CD109: variants seen among roughly 807,000 people sequenced by gnomAD.
The protein encoded by CD109 is CD109 antigen.
CD109 carries 149 observed loss-of-function variants against 165.8 expected under a neutral mutation model. That is an observed-to-expected ratio of 0.90 (90% CI 0.79 to 1.03). The LOEUF is 1.03. CD109 is among the 50% of genes least tolerant of loss of function. The pLI, the probability that CD109 is intolerant of heterozygous loss-of-function variation, is 0.00. For missense variants in CD109, 1,712 were observed against 1,677.8 expected, an observed-to-expected ratio of 1.02 and a Z score of -0.36; for synonymous variants, 585 against 592.1, an observed-to-expected ratio of 0.99 and a Z score of 0.18.
upstream of CD109, among the ~76,000 whole-genome samples, chr6:73,692,071 A>C (rs190962653): frequency 1.3e-5 from 2 of 152,088 alleles, no homozygotes; most frequent in East Asian, 1.9e-4. Context: ...ACTTTTAAAC[A>C]ACCAGATCTC....
rs77675652 is a variant in CD109, at chr6:73,704,230, A to C, written c.247+6658A>C. ...AACCTTTATGTTCCACCATGACCACAGGTGATTCTTAGTCACATTAGAATG... is the reference window on the plus strand; with the variant it reads ...AACCTTTATGTTCCACCATGACCACCGGTGATTCTTAGTCACATTAGAATG... On this transcript the variant is annotated intron_variant, in intron 2 of 32. Transcript: ENST00000287097. 6.6e-3 allele frequency among the ~76,000 whole-genome samples: 1,005 copies of C among 152,100 alleles called. 14 individuals are homozygous for C. Among genetic ancestry groups the C allele is most frequent in the African/African-American group, 0.023 (959 of 41,488 alleles).
chr6:73,687,397 C>T, the CD109 span, among the ~76,000 whole-genome samples: 30,383 of 149,522 alleles, frequency 0.2, 3,460 homozygotes, highest in Non-Finnish European at 0.26. Flanking sequence ...CCTCTCTCTC[C>T]TTCCTTCCTT....
chr6:73,771,665 GA>G lies in CD109; in HGVS notation c.1827+88del. On this transcript the variant is annotated intron_variant, in intron 15 of 32. Transcript: ENST00000287097. ...TATTGTACTACTTTAAATATTTAAA[GA>G]AAATTTCATTAGTTCCTTTGCATGT... 3 of 940,804 alleles carry G rather than the reference GA, an allele frequency of 3.2e-6. No individual in the cohort carries two copies. The East Asian group carries it at 9.1e-5, about 29-fold the overall frequency. The allele number at this position is 940,804 out of a possible 1,614,324, so 58.3% of individuals were successfully genotyped here.
chr6:73,813,342 G>T (rs1309375821), intron 29 of CD109, among the ~76,000 whole-genome samples: 1 of 152,106 alleles, frequency 6.6e-6, no homozygotes, highest in Non-Finnish European at 1.5e-5. Context: ...AAAATTATAT[G>T]TACTTAAATC....
At chr6:73,702,964 A>C (rs1771135460) in intron 2 of CD109, among the ~76,000 whole-genome samples, 1 of 152,236 alleles carries the variant, frequency 6.6e-6, no homozygotes, top group Non-Finnish European at 1.5e-5. Context: ...AGGGGATTGG[A>C]AGGGATTTAA....
intron 2 of CD109, among the ~76,000 whole-genome samples, chr6:73,718,948 G>A (rs1452894075): frequency 1.3e-5 from 2 of 151,976 alleles, no homozygotes; most frequent in Non-Finnish European, 2.9e-5. Flanking sequence ...ACAAGTATAA[G>A]TCAACTACAT....
chr6:73,752,062 A>G (rs527989033), intron 5 of CD109, among the ~76,000 whole-genome samples: 3 of 152,340 alleles, frequency 2.0e-5, no homozygotes, highest in African/African-American at 7.2e-5. Flanking sequence ...AGTAAAAGGT[A>G]CATCCAGACA....
chr6:73,690,423 C>T, the CD109 span, among the ~76,000 whole-genome samples: 19 of 152,188 alleles, frequency 1.2e-4, no homozygotes, highest in East Asian at 3.1e-3. Flanking sequence ...TTTTTTGAGA[C>T]GGAGTTTCGC....
intron 15 of CD109, among the ~76,000 whole-genome samples, chr6:73,775,037 A>G (rs1774188203): frequency 6.6e-6 from 1 of 151,874 alleles, no homozygotes; most frequent in Non-Finnish European, 1.5e-5. Context: ...TAATTTTTAG[A>G]CATTAGCCTT....
Position 73,707,515 on chromosome 6 carries a change from G to A in CD109, c.247+9943G>A, listed in dbSNP as rs1294442022. Among the ~76,000 whole-genome samples, 4 of 152,118 alleles carry A rather than the reference G, an allele frequency of 2.6e-5. No homozygotes were observed. The East Asian group carries it at 7.7e-4, about 29-fold the overall frequency. ...CTGCACTGTTTGGGAGGCACAGTGG[G>A]TTAGAATGGGTGCTCAGGAACCACA... On this transcript the variant is annotated intron_variant, in intron 2 of 32. Coordinates refer to ENST00000287097, the MANE Select transcript of CD109 (RefSeq NM_133493.5).
chr6:73,738,852 T>G (rs1772644139), intron 5 of CD109, among the ~76,000 whole-genome samples: 1 of 152,228 alleles, frequency 6.6e-6, no homozygotes, highest in African/African-American at 2.4e-5. Flanking sequence ...TGAGAATGTT[T>G]TTTCTTCCTT....
the CD109 span, among the ~76,000 whole-genome samples, chr6:73,688,756 TCTTTG>T: frequency 1.4e-5 from 2 of 138,294 alleles, no homozygotes; most frequent in Middle Eastern, 3.7e-3. Context: ...TGAGAGTTTT[TCTTTG>T]TTTTTTTTTT....
Position 73,788,558 on chromosome 6 carries a change from T to C in CD109, c.2647T>C (p.Ser883Pro), listed in dbSNP as rs767127883. ...GAGTACCCTGAAAACTTTGAGTTTCTCATTTCCTCCTAATACAGTGACTGG... is the reference window on the plus strand; with the variant it reads ...GAGTACCCTGAAAACTTTGAGTTTCCCATTTCCTCCTAATACAGTGACTGG... The part of the protein sequence containing the change: ...LQSTLKTLSF[S>P]FPPNTVTGSE... The change falls in exon 22 of 33, where the codon TCA becomes CCA. Residue 883 changes from serine (S) to proline (P), a missense_variant. Physicochemically the swap from Ser to Pro is moderately conservative, Grantham distance 74. Transcript: ENST00000287097. 5 of 1,613,702 alleles carry C rather than the reference T, an allele frequency of 3.1e-6. No homozygotes were observed. The South Asian group carries it at 4.4e-5, about 14-fold the overall frequency.
Position 73,765,910 on chromosome 6 carries a change from T to A in CD109, c.1108-20T>A, listed in dbSNP as rs201957760. 2 of 1,519,672 alleles carry A rather than the reference T, an allele frequency of 1.3e-6. No homozygotes were observed. The highest frequency in any genetic ancestry group is 4.5e-5 in the East Asian group (2 of 44,380). The allele number at this position is 1,519,672 out of a possible 1,614,324, so 94.1% of individuals were successfully genotyped here. ...ACTTAAATCCTTTGTGTTTTTAAGA[T>A]GTTTTGTTTTGACCATTAGGTGAAG... is the stretch of plus-strand genomic sequence containing the variant. On this transcript the variant is annotated intron_variant, in intron 10 of 32. Coordinates refer to ENST00000287097, the MANE Select transcript of CD109 (RefSeq NM_133493.5).
At chr6:73,733,156 T>A (rs1356971314) in intron 4 of CD109, among the ~76,000 whole-genome samples, 1 of 152,188 alleles carries the variant, frequency 6.6e-6, no homozygotes, top group Non-Finnish European at 1.5e-5. Context: ...ATTTTCTACA[T>A]CTTTCAGTGT....
intron 3 of CD109, among the ~76,000 whole-genome samples, chr6:73,728,709 C>T (rs1405888922): frequency 6.6e-6 from 1 of 152,122 alleles, no homozygotes; most frequent in African/African-American, 2.4e-5. Flanking sequence ...ATTCTGATGT[C>T]TGCTATTATT....
intron 2 of CD109, among the ~76,000 whole-genome samples, chr6:73,719,044 C>G (rs1771849497): frequency 6.6e-6 from 1 of 151,906 alleles, no homozygotes; most frequent in Non-Finnish European, 1.5e-5. Context: ...TTATTTAACC[C>G]AATAATTTAC....
At chr6:73,710,693 T>C (rs1771497899) in intron 2 of CD109, among the ~76,000 whole-genome samples, 1 of 152,206 alleles carries the variant, frequency 6.6e-6, no homozygotes, top group African/African-American at 2.4e-5. Context: ...TCCCTGCTGA[T>C]GACTCATTTT....
intron 2 of CD109, 140 bp downstream of exon 2, chr6:73,697,712 A>T (rs947775548): frequency 1.7e-5 from 11 of 631,280 alleles, no homozygotes; most frequent in African/African-American, 1.1e-4. Context: ...TCACTCATGT[A>T]AAGTCCTAGA....
Sources: gnomAD v4.1 joint callset for allele counts (sites outside exome capture counted in the v4.1 genomes callset) on GRCh38, gnomAD v4.1.1 for gene constraint, MANE v1.5 for transcripts, NCBI Gene and HGNC (gene_info 2026-07-23, HGNC 2026-07-21) for gene names.